DPP6: variants seen among roughly 807,000 people sequenced by gnomAD.
DPP6 encodes the protein dipeptidyl peptidase like 6.
A neutral mutation model predicts 122.6 loss-of-function variants in DPP6; 69 were observed. The ratio of observed to expected loss-of-function variants is 0.56; its 90% CI spans 0.46 to 0.69. The LOEUF is 0.69. Ranked by LOEUF, DPP6 falls within the 30% of genes least tolerant of loss-of-function variation. The pLI is 0.00. For missense variants in DPP6, 928 were observed against 1,116.9 expected, an observed-to-expected ratio of 0.83 and a Z score of 2.41; for synonymous variants, 418 against 433.1, an observed-to-expected ratio of 0.97 and a Z score of 0.43.
chr7:154,062,334 AC>A (rs1188773442), intron 1 of DPP6, among the ~76,000 whole-genome samples: 11 of 46,274 alleles, frequency 2.4e-4, no homozygotes, highest in South Asian at 1.0e-3. Context: ...AGGGGGAGGC[AC>A]CCCCCGCGAG....
chr7:154,132,836 G>T (rs1398562638), intron 1 of DPP6, among the ~76,000 whole-genome samples: 1 of 151,930 alleles, frequency 6.6e-6, no homozygotes. Flanking sequence ...TATACAGCAC[G>T]TTGTTGTGTC....
At chr7:154,098,284 C>T (rs1805477333) in intron 1 of DPP6, among the ~76,000 whole-genome samples, 1 of 152,276 alleles carries the variant, frequency 6.6e-6, no homozygotes, top group Middle Eastern at 3.4e-3. Context: ...TATTTCCTTC[C>T]CCTTCTGCCA....
chr7:154,034,323 C>T (rs1799409582), intron 1 of DPP6, among the ~76,000 whole-genome samples: 1 of 152,190 alleles, frequency 6.6e-6, no homozygotes, highest in South Asian at 2.1e-4. Context: ...GAATTTATAG[C>T]TGAGGGAATG....
chr7:154,401,986 C>T (rs1428335943), intron 1 of DPP6, among the ~76,000 whole-genome samples: 1 of 152,196 alleles, frequency 6.6e-6, no homozygotes, highest in Non-Finnish European at 1.5e-5. Context: ...AGCCAAAAAA[C>T]ACATGAGAAA....
chr7:154,855,507 G>A (rs1018116340), intron 17 of DPP6, among the ~76,000 whole-genome samples: 10 of 152,314 alleles, frequency 6.6e-5, no homozygotes, highest in East Asian at 1.9e-4. Context: ...CCTCACCTGC[G>A]AGGTTTGGGA....
chr7:154,016,496 C>A lies in DPP6; in HGVS notation c.51+128762C>A, dbSNP rs1454194885. Among the ~76,000 whole-genome samples the A allele has an allele frequency of 5.9e-5, 9 of 151,568 alleles. No homozygotes were observed. The South Asian group carries it at 6.3e-4, about 11-fold the overall frequency. On this transcript the variant is annotated intron_variant, in intron 1 of 25. Coordinates refer to the DPP6 transcript ENST00000404039. The stretch of plus-strand genomic sequence containing the variant: ...AGACTTGAGGATCTGGGCATGGTGG[C>A]TCACACATGTAATCCCAGCACTTTG...
chr7:154,250,414 C>T (rs57301465), intron 1 of DPP6, among the ~76,000 whole-genome samples: 20,962 of 151,996 alleles, frequency 0.14, 2,100 homozygotes, highest in East Asian at 0.46. Flanking sequence ...CGTGTGGGTG[C>T]GTGCGCTGGG....
At chr7:154,295,515 G>T (rs1805480208) in intron 1 of DPP6, among the ~76,000 whole-genome samples, 1 of 152,124 alleles carries the variant, frequency 6.6e-6, no homozygotes, top group Non-Finnish European at 1.5e-5. Context: ...ATTTTATTTT[G>T]GCTTTCTCTG....
chr7:154,140,566 C>T (rs1471947419), intron 1 of DPP6, among the ~76,000 whole-genome samples: 1 of 152,106 alleles, frequency 6.6e-6, no homozygotes, highest in African/African-American at 2.4e-5. Flanking sequence ...AGTGATCCTC[C>T]CACCTCAGCT....
chr7:154,197,748 T>A (rs1312502200), intron 1 of DPP6, among the ~76,000 whole-genome samples: 3 of 152,232 alleles, frequency 2.0e-5, no homozygotes, highest in Admixed American at 6.5e-5. Context: ...TCAATAATGT[T>A]CAATTAATAT....
At chr7:154,401,835 C>T (rs1158698877) in intron 1 of DPP6, among the ~76,000 whole-genome samples, 2 of 152,118 alleles carry the variant, frequency 1.3e-5, no homozygotes, top group African/African-American at 2.4e-5. Flanking sequence ...AGAAAATTTT[C>T]GCAGCCTACT....
chr7:154,868,283 A>G (rs1373832034), intron 18 of DPP6, among the ~76,000 whole-genome samples, 190 bp downstream of exon 18: 1 of 152,074 alleles, frequency 6.6e-6, no homozygotes, highest in South Asian at 2.1e-4. Flanking sequence ...TGGTGACAAA[A>G]CCAAAAAAAG....
intron 8 of DPP6, among the ~76,000 whole-genome samples, chr7:154,754,917 G>T (rs778829955): frequency 9.9e-5 from 15 of 152,268 alleles, no homozygotes; most frequent in Middle Eastern, 6.8e-3. Context: ...GTAAGTGGGA[G>T]TTGAACAATG....
intron 1 of DPP6, among the ~76,000 whole-genome samples, chr7:154,312,620 G>A (rs1807005885): frequency 6.6e-6 from 1 of 152,174 alleles, no homozygotes; most frequent in Non-Finnish European, 1.5e-5. Flanking sequence ...CCATGTATGT[G>A]TGGGCAGAGG....
chr7:154,334,179 C>G (rs1420079536), intron 1 of DPP6, among the ~76,000 whole-genome samples: 1 of 110,310 alleles, frequency 9.1e-6, no homozygotes. Context: ...TAAAAACATA[C>G]AGAAAATGGA....
chr7:154,483,717 C>G lies in DPP6; in HGVS notation c.457+8680C>G, dbSNP rs950571793. On this transcript the variant is annotated intron_variant, in intron 3 of 25. Coordinates refer to ENST00000377770, the MANE Select transcript of DPP6 (RefSeq NM_130797.4). This position sits in a 1 kb window ranked among gnomAD's most constrained non-coding sequence, Gnocchi z 8.1. ...GTTTTGTTTTGCTTTGCTTTTGAGACGGAGTCTCGCTCTGTCGCCCAGGCT... is the reference window on the plus strand; with the variant it reads ...GTTTTGTTTTGCTTTGCTTTTGAGAGGGAGTCTCGCTCTGTCGCCCAGGCT... Among the ~76,000 whole-genome samples the G allele has an allele frequency of 6.6e-6, 1 of 152,130 alleles. No individual in the cohort carries two copies.
At chr7:154,051,499 G>A (rs547192553), upstream of DPP6, among the ~76,000 whole-genome samples, 2 of 149,418 alleles carry the variant, frequency 1.3e-5, no homozygotes, top group East Asian at 2.0e-4. Context: ...AGCGGAGCCC[G>A]CTGGTGCGGG....
intron 7 of DPP6, among the ~76,000 whole-genome samples, chr7:154,722,321 G>A (rs775603122): frequency 1.3e-5 from 2 of 152,240 alleles, no homozygotes; most frequent in African/African-American, 2.4e-5. Flanking sequence ...CTCCCAGCAC[G>A]TGTTGCAGAC....
the DPP6 span, among the ~76,000 whole-genome samples, chr7:153,846,202 T>G: frequency 1.3e-5 from 2 of 152,244 alleles, no homozygotes; most frequent in African/African-American, 4.8e-5. Context: ...AATTATTTTC[T>G]CTGATAACTT....
Sources: allele counts gnomAD v4.1 joint callset (sites outside exome capture counted in the v4.1 genomes callset), GRCh38; gene constraint gnomAD v4.1.1; non-coding constraint Gnocchi (gnomAD v3.1); transcripts MANE v1.5; gene names NCBI Gene and HGNC (gene_info 2026-07-23, HGNC 2026-07-21).